The following RPS6KC1 variants were observed in gnomAD, a reference collection of about 807,000 sequenced individuals.
RPS6KC1 encodes inactive ribosomal protein S6 kinase delta-1.
A neutral mutation model predicts 103.8 loss-of-function variants in RPS6KC1; 54 were observed. The ratio of observed to expected loss-of-function variants is 0.52; its 90% CI spans 0.42 to 0.65. The LOEUF (loss-of-function observed/expected upper bound fraction) is 0.65. RPS6KC1 is among the 30% of genes least tolerant of loss of function. The pLI, the probability that RPS6KC1 is intolerant of heterozygous loss-of-function variation, is 0.00. For missense variants in RPS6KC1, 1,151 were observed against 1,253.8 expected, an observed-to-expected ratio of 0.92 and a Z score of 1.24; for synonymous variants, 439 against 438.7, an observed-to-expected ratio of 1.00 and a Z score of -0.01.
At chr1:213,307,791 G>A in the RPS6KC1 span, among the ~76,000 whole-genome samples, 2 of 152,176 alleles carry the variant, frequency 1.3e-5, no homozygotes, top group African/African-American at 2.4e-5. Context: ...ATGGTACACT[G>A]CACAGAGAGG....
Position 213,140,250 on chromosome 1 carries a change from CTG to C in RPS6KC1, c.835+10364_835+10365del, listed in dbSNP as rs369206127. On this transcript the variant is annotated intron_variant, in intron 6 of 14. Transcript: ENST00000366960. ...AGATCTGGGAGCCTTTGAGCAGAGA[CTG>C]TGGGGTTTTCTAGGTATAGTATCTT... 3.1e-3 allele frequency among the ~76,000 whole-genome samples: 468 copies of C among 152,196 alleles called. 2 individuals are homozygous for C. Among genetic ancestry groups the C allele is most frequent in the African/African-American group, 0.011 (448 of 41,548 alleles).
the RPS6KC1 span, among the ~76,000 whole-genome samples, chr1:213,290,802 T>C: frequency 6.6e-6 from 1 of 152,110 alleles, no homozygotes; most frequent in Non-Finnish European, 1.5e-5. Context: ...CATGAACTTA[T>C]TGGTAGGACA....
chr1:213,129,919 A>G (rs768722054), intron 6 of RPS6KC1, 30 bp downstream of exon 6: 28 of 1,544,870 alleles, frequency 1.8e-5, no homozygotes, highest in Middle Eastern at 1.9e-4. Context: ...ATGTTTTGGC[A>G]TGCTCTTTTG....
intron 5 of RPS6KC1, among the ~76,000 whole-genome samples, chr1:213,128,661 G>T (rs1454858982): frequency 6.6e-6 from 1 of 152,112 alleles, no homozygotes; most frequent in Non-Finnish European, 1.5e-5. Context: ...TGTAGAAGAG[G>T]CTGAGATGAA....
chr1:213,650,985 G>A, the RPS6KC1 span, among the ~76,000 whole-genome samples: 1 of 151,326 alleles, frequency 6.6e-6, no homozygotes, highest in Non-Finnish European at 1.5e-5. Flanking sequence ...CGTGTTGGGG[G>A]TGGGGTGGAG....
At chr1:213,860,121 A>G in the RPS6KC1 span, among the ~76,000 whole-genome samples, 1 of 151,206 alleles carries the variant, frequency 6.6e-6, no homozygotes, top group Non-Finnish European at 1.5e-5. Flanking sequence ...ATTCAGATAT[A>G]TATACATATG....
At chr1:213,731,892 A>G in the RPS6KC1 span, among the ~76,000 whole-genome samples, 2 of 152,150 alleles carry the variant, frequency 1.3e-5, no homozygotes, top group African/African-American at 4.8e-5. Context: ...CATAATATTT[A>G]TAAATACCTG....
chr1:213,439,658 T>A, the RPS6KC1 span, among the ~76,000 whole-genome samples: 1 of 152,300 alleles, frequency 6.6e-6, no homozygotes, highest in African/African-American at 2.4e-5. Context: ...CTCAGCAAGC[T>A]TGGCAAGGAA....
At chr1:213,407,760 C>A in the RPS6KC1 span, among the ~76,000 whole-genome samples, 2 of 152,028 alleles carry the variant, frequency 1.3e-5, no homozygotes, top group Admixed American at 1.3e-4. Context: ...GTGAGTTTGG[C>A]CCTTCTAGAT....
chr1:213,678,388 G>C, the RPS6KC1 span, among the ~76,000 whole-genome samples: 1 of 152,216 alleles, frequency 6.6e-6, no homozygotes, highest in Non-Finnish European at 1.5e-5. Context: ...GCTCACAGTA[G>C]GCACTCCATA....
intron 7 of RPS6KC1, among the ~76,000 whole-genome samples, chr1:213,169,757 T>C (rs2091311976): frequency 6.6e-6 from 1 of 151,630 alleles, no homozygotes. Flanking sequence ...TTGTAAAAGT[T>C]TTTTTAAATT....
the RPS6KC1 span, among the ~76,000 whole-genome samples, chr1:213,529,762 G>A: frequency 1.3e-5 from 2 of 152,180 alleles, no homozygotes; most frequent in African/African-American, 4.8e-5. Flanking sequence ...AGGACTGTGT[G>A]TGTTTTAGCT....
At chr1:213,063,107 G>C (rs1230974227) in intron 1 of RPS6KC1, among the ~76,000 whole-genome samples, 1 of 152,172 alleles carries the variant, frequency 6.6e-6, no homozygotes, top group Non-Finnish European at 1.5e-5. Context: ...CAGTTCATGG[G>C]CAGTGCCAAC....
At chr1:213,251,102 C>CA (rs2094537519) in intron 12 of RPS6KC1, among the ~76,000 whole-genome samples, 1 of 100,210 alleles carries the variant, frequency 1.0e-5, no homozygotes, top group Non-Finnish European at 2.0e-5. Context: ...GGTTTTTCAG[C>CA]TTTTTTTTTT....
At chr1:213,601,408 T>C in the RPS6KC1 span, among the ~76,000 whole-genome samples, 29 of 148,018 alleles carry the variant, frequency 2.0e-4, no homozygotes, top group Admixed American at 1.1e-3. Flanking sequence ...GTATATATTA[T>C]ATATTGCATA....
the RPS6KC1 span, among the ~76,000 whole-genome samples, chr1:213,551,683 C>G: frequency 6.6e-6 from 1 of 152,236 alleles, no homozygotes; most frequent in African/African-American, 2.4e-5. Context: ...GTTTCTTACA[C>G]TTGGTGAACA....
At chr1:213,440,549 A>G in the RPS6KC1 span, among the ~76,000 whole-genome samples, 5 of 150,020 alleles carry the variant, frequency 3.3e-5, no homozygotes, top group Admixed American at 2.0e-4. Context: ...GCTCATTCCA[A>G]TGACCTAGGG....
chr1:213,293,766 CTT>C, the RPS6KC1 span, among the ~76,000 whole-genome samples: 10 of 151,758 alleles, frequency 6.6e-5, no homozygotes, highest in South Asian at 4.1e-4. Context: ...AAAGTATCTT[CTT>C]GGAAAATATC....
the RPS6KC1 span, among the ~76,000 whole-genome samples, chr1:213,505,149 A>G: frequency 6.6e-6 from 1 of 152,036 alleles, no homozygotes; most frequent in South Asian, 2.1e-4. Context: ...ATCCCCTGAG[A>G]TCCTATTCTA....
Sources: allele counts gnomAD v4.1 joint callset (sites outside exome capture counted in the v4.1 genomes callset), GRCh38; gene constraint gnomAD v4.1.1; transcripts MANE v1.5; gene names NCBI Gene and HGNC (gene_info 2026-07-23, HGNC 2026-07-21).